The following KARS1 variants were observed in gnomAD, a reference collection of about 807,000 sequenced individuals.
KARS1 encodes the protein lysine--tRNA ligase.
KARS1 carries 50 observed loss-of-function variants against 63.9 expected under a neutral mutation model. That is an observed-to-expected ratio of 0.78 (90% CI 0.62 to 0.99). The LOEUF (loss-of-function observed/expected upper bound fraction) is 0.99, where lower values mean the gene tolerates loss of function less well. Among genes scored for constraint, KARS1 ranks in the 50% least tolerant of loss-of-function variants. The pLI is 0.00. For synonymous variants in KARS1, 320 were observed against 264.6 expected (o/e 1.21, Z -2.03); for missense variants, 816 against 754.5 (o/e 1.08, Z -0.95).
chr16:75,632,946 G>A (rs112370895), intron 7 of KARS1, among the ~76,000 whole-genome samples: 3 of 152,150 alleles, frequency 2.0e-5, no homozygotes, highest in African/African-American at 7.2e-5. Context: ...TAAATACTAC[G>A]GAAAATAGAG....
chr16:75,645,913 C>T (rs2082277525), intron 1 of KARS1, among the ~76,000 whole-genome samples: 1 of 149,544 alleles, frequency 6.7e-6, no homozygotes, highest in Non-Finnish European at 1.5e-5. Context: ...CCTAAAAACA[C>T]ACTCTGAACT....
At chr16:75,630,745 G>A (rs549417008) in intron 10 of KARS1, among the ~76,000 whole-genome samples, 1 of 151,818 alleles carries the variant, frequency 6.6e-6, no homozygotes, top group Admixed American at 6.6e-5. Context: ...AGTGATTCTC[G>A]TGCCTCAGCC....
chr16:75,629,655 A>C (rs749346189), intron 11 of KARS1, 114 bp from the exon 12 acceptor site: 21 of 1,147,852 alleles, frequency 1.8e-5, no homozygotes, highest in Non-Finnish European at 2.7e-5. Context: ...GCTGGAGTGC[A>C]GTGGTGTGAT....
rs776302260 is a variant in KARS1 at position 75,630,502 on chromosome 16, C to A, written c.1345G>T (p.Gly449Trp). Residue 449 changes from glycine to tryptophan, a missense_variant, in exon 11 of 14, where the codon GGG (glycine) becomes TGG (tryptophan). Physicochemically the swap from Gly to Trp is radical, Grantham distance 184. Transcript: ENST00000302445. Reference sequence around the variant, plus strand: ...ATGCAAGTCACTTCCAGGAACTCCCCAACAAGCTTAATGAGAAAGCAAAGC... The same window carrying A: ...ATGCAAGTCACTTCCAGGAACTCCCAAACAAGCTTAATGAGAAAGCAAAGC... ...TTARLLDKLV[G>W]EFLEVTCINP... The A allele has an allele frequency of 1.9e-6, 3 of 1,605,882 alleles. No homozygotes were observed. Among genetic ancestry groups the A allele is most frequent in the Non-Finnish European group, 2.6e-6 (3 of 1,172,996 alleles).
chr16:75,640,260 T>C lies in KARS1; in HGVS notation c.312A>G (p.Ser104=), dbSNP rs757552821. The change falls in exon 3 of 14, where the codon TCA becomes TCG. Residue 104 remains serine (S), a synonymous_variant. Coordinates refer to ENST00000302445, the MANE Select transcript of KARS1 (RefSeq NM_005548.3). ...PYPHKFHVDI[S]LTDFIQKYSH... ...TATATTTTTGGATGAAGTCAGTGAG[T>C]GAGATGTCTACATGGAACTTGTGTG... The C allele has an allele frequency of 6.2e-7, 1 of 1,609,172 alleles. No individual in the cohort carries two copies.
chr16:75,637,350 C>T (rs1310108258), intron 3 of KARS1, among the ~76,000 whole-genome samples: 2 of 151,780 alleles, frequency 1.3e-5, no homozygotes, highest in African/African-American at 4.8e-5. Flanking sequence ...GATCTGAGAA[C>T]TGGAAAGCCC....
intron 13 of KARS1, 109 bp from the exon 14 acceptor site, chr16:75,628,102 T>A: frequency 2.6e-6 from 2 of 768,702 alleles, no homozygotes; most frequent in Non-Finnish European, 2.4e-6. Context: ...ATCCAGAGAT[T>A]AGTATATTCC....
intron 10 of KARS1, 101 bp downstream of exon 10, chr16:75,631,067 C>G: frequency 1.2e-6 from 1 of 857,396 alleles, no homozygotes; most frequent in Non-Finnish European, 1.9e-6. Flanking sequence ...TCCTGTGAAG[C>G]TGCAGAAATG....
chr16:75,640,117 T>C, intron 3 of KARS1, 67 bp downstream of exon 3: 1 of 1,379,376 alleles, frequency 7.2e-7, no homozygotes, highest in South Asian at 1.2e-5. Context: ...AGACCTTCCC[T>C]TGTGCTACTG....
At chr16:75,636,318 T>A (rs2082161217) in intron 4 of KARS1, 136 bp downstream of exon 4, 3 of 792,708 alleles carry the variant, frequency 3.8e-6, no homozygotes, top group East Asian at 4.9e-5. Context: ...GGCCACATTA[T>A]CCTCTTCTCA....
chr16:75,644,458 A>G (rs767396496), intron 1 of KARS1: 2 of 1,592,168 alleles, frequency 1.3e-6, no homozygotes, highest in Non-Finnish European at 1.7e-6. Context: ...AATGATTACC[A>G]CCACCTAGCG....
At chr16:75,633,532 T>G (rs1000325102) in intron 7 of KARS1, among the ~76,000 whole-genome samples, 54 of 151,630 alleles carry the variant, frequency 3.6e-4, no homozygotes, top group African/African-American at 1.3e-3. Flanking sequence ...TTTTTTTTTT[T>G]TTTGAGACGA....
intron 1 of KARS1, chr16:75,644,209 G>A: frequency 2.9e-6 from 4 of 1,384,936 alleles, no homozygotes; most frequent in Non-Finnish European, 4.0e-6. Context: ...TTAGCCAGAG[G>A]CTTAACGGAA....
intron 6 of KARS1, chr16:75,635,266 T>C (rs759180084): frequency 1.9e-5 from 6 of 311,562 alleles, no homozygotes; most frequent in Admixed American, 4.6e-5. Flanking sequence ...GAAGGATACA[T>C]ATCAAACTCA....
rs2082209896 is a variant in KARS1 at position 75,640,339 on chromosome 16, T to C, written c.233A>G (p.Lys78Arg). ...CTGATGAATTGCTTGACTGCGGATTTTGTAGTATTGCTGTTAAAAAAAAAA... is the reference window on the plus strand; with the variant it reads ...CTGATGAATTGCTTGACTGCGGATTCTGTAGTATTGCTGTTAAAAAAAAAA... ...EESVDPNQYY[K>R]IRSQAIHQLK... Residue 78 changes from lysine (K) to arginine (R), a missense_variant, in exon 3 of 14, where the codon AAA (lysine) becomes AGA (arginine). Transcript: ENST00000302445. 3 of 1,612,664 alleles carry C rather than the reference T, an allele frequency of 1.9e-6. No individual in the cohort carries two copies. Among genetic ancestry groups the C allele is most frequent in the Non-Finnish European group, 2.5e-6 (3 of 1,179,938 alleles).
chr16:75,647,617 T>C lies in KARS1; in HGVS notation c.23A>G (p.Glu8Gly), dbSNP rs2082304626. Residue 8 changes from glutamate (E) to glycine (G), a missense_variant, in exon 1 of 14, where the codon GAG (glutamate) becomes GGG (glycine). Physicochemically the swap from Glu to Gly is moderately conservative, Grantham distance 98. Transcript: ENST00000302445. Reference protein sequence around the residue: MAAVQAAEVKVDGSEPKL... With the variant: MAAVQAAGVKVDGSEPKL... Reference sequence around the variant, plus strand: ...CGGCTCGCTGCCATCCACTTTCACCTCGGCCGCCTGCACGGCCGCCATCTT... The same window carrying C: ...CGGCTCGCTGCCATCCACTTTCACCCCGGCCGCCTGCACGGCCGCCATCTT... 6.2e-7 allele frequency: 1 copy of C among 1,613,340 alleles called. No individual in the cohort carries two copies. The highest frequency in any genetic ancestry group is 8.5e-7 in the Non-Finnish European group (1 of 1,179,810).
In KARS1 at chr16:75,640,354, TAAAAAA is replaced by T; in HGVS notation, c.223-11_223-6del. 1.3e-6 allele frequency: 2 copies of T among 1,534,630 alleles called. No individual in the cohort carries two copies. Among genetic ancestry groups the T allele is most frequent in the South Asian group, 1.2e-5 (1 of 85,972 alleles). ...ACTGCGGATTTTGTAGTATTGCTGT[TAAAAAA>T]AAAAAAAAAAAAGCCCTTCAGAAGT... On this transcript the variant is annotated splice_polypyrimidine_tract_variant and splice_region_variant and intron_variant, in intron 2 of 13. Coordinates refer to ENST00000302445, the MANE Select transcript of KARS1 (RefSeq NM_005548.3).
At position 75,630,630 on chromosome 16, in the gene KARS1, A is replaced by T. The variant is rs1016161311; in HGVS notation, c.1339-122T>A. Reference sequence around the variant, plus strand: ...TTATCCTATAGCTTTTTATTTATTTATTATTATTATTATTATTATTATTGA... The same window carrying T: ...TTATCCTATAGCTTTTTATTTATTTTTTATTATTATTATTATTATTATTGA... On this transcript the variant is annotated intron_variant, in intron 10 of 13. Coordinates refer to ENST00000302445, the MANE Select transcript of KARS1 (RefSeq NM_005548.3). 48 of 179,146 alleles carry T rather than the reference A, an allele frequency of 2.7e-4. No homozygotes were observed. In the South Asian group the frequency reaches 3.2e-3, roughly 12 times the overall value. The allele number at this position is 179,146 out of a possible 1,614,324, so 11.1% of individuals were successfully genotyped here.
chr16:75,631,120 C>T (rs748210287), intron 10 of KARS1, 48 bp downstream of exon 10: 23 of 1,460,586 alleles, frequency 1.6e-5, no homozygotes, highest in East Asian at 2.3e-5. Context: ...AAGAGGGAAC[C>T]ATTCAGCACC....
Sources: allele counts gnomAD v4.1 joint callset (sites outside exome capture counted in the v4.1 genomes callset), GRCh38; gene constraint gnomAD v4.1.1; transcripts MANE v1.5; gene names NCBI Gene and HGNC (gene_info 2026-07-23, HGNC 2026-07-21).